The following FNIP1 variants were observed in gnomAD, a reference collection of about 807,000 sequenced individuals.
FNIP1 encodes folliculin-interacting protein 1.
A neutral mutation model predicts 124.5 loss-of-function variants in FNIP1; 40 were observed. The observed-to-expected ratio is 0.32, with a 90% CI of 0.25 to 0.42. The LOEUF (loss-of-function observed/expected upper bound fraction) is 0.42, where lower values mean the gene tolerates loss of function less well. FNIP1 is among the 10% of genes least tolerant of loss of function. The pLI is 1.00. For missense variants in FNIP1, 1,176 were observed against 1,403.7 expected, an observed-to-expected ratio of 0.84 and a Z score of 2.59; for synonymous variants, 472 against 470.6, an observed-to-expected ratio of 1.00 and a Z score of -0.04.
chr5:131,779,193 T>C (rs529466973), intron 1 of FNIP1, among the ~76,000 whole-genome samples: 5 of 149,150 alleles, frequency 3.4e-5, no homozygotes, highest in Non-Finnish European at 6.0e-5. Flanking sequence ...ATCCAAAATA[T>C]GGAACATTCT....
At chr5:131,779,401 C>T (rs537171423) in intron 1 of FNIP1, among the ~76,000 whole-genome samples, 117 of 151,976 alleles carry the variant, frequency 7.7e-4, no homozygotes, top group Middle Eastern at 3.4e-3. Flanking sequence ...AAGATGTGGC[C>T]GGGCATGGTG....
intron 15 of FNIP1, among the ~76,000 whole-genome samples, chr5:131,668,800 G>A (rs1767671388): frequency 6.6e-6 from 1 of 152,192 alleles, no homozygotes; most frequent in Non-Finnish European, 1.5e-5. Context: ...ATAGCCAGAA[G>A]CATATAAATG....
intron 7 of FNIP1, among the ~76,000 whole-genome samples, chr5:131,709,677 AT>A (rs1253280308): frequency 3.9e-5 from 6 of 152,182 alleles, no homozygotes; most frequent in African/African-American, 1.4e-4. Flanking sequence ...ATGTTTCAAA[AT>A]TCTCTATAAT....
chr5:131,723,764 G>T (rs1008199195), intron 3 of FNIP1, among the ~76,000 whole-genome samples: 1 of 152,048 alleles, frequency 6.6e-6, no homozygotes, highest in African/African-American at 2.4e-5. Flanking sequence ...GAATGTGCAG[G>T]CTTGTTACAT....
chr5:131,780,918 G>T (rs1191744935), intron 1 of FNIP1, among the ~76,000 whole-genome samples: 1 of 152,216 alleles, frequency 6.6e-6, no homozygotes, highest in South Asian at 2.1e-4. Flanking sequence ...ATGATCAAGC[G>T]TAGTGAGGAA....
chr5:131,673,443 G>A (rs1219913887), intron 13 of FNIP1, among the ~76,000 whole-genome samples: 4 of 152,110 alleles, frequency 2.6e-5, no homozygotes, highest in Non-Finnish European at 5.9e-5. Context: ...GTGAATTTAA[G>A]GGTTTTCTGG....
Position 131,671,935 on chromosome 5 carries a change from C to T in FNIP1, c.2509G>A (p.Glu837Lys), listed in dbSNP as rs772294741. 50 of 1,614,024 alleles carry T rather than the reference C, an allele frequency of 3.1e-5. No individual in the cohort carries two copies. The highest frequency in any genetic ancestry group is 3.0e-4 in the Admixed American group (18 of 59,992). ...TCGATTGAATCATCATTAAAATATTCGTCGAATAAGCTCATGCTTTCTGGG... is the reference window on the plus strand; with the variant it reads ...TCGATTGAATCATCATTAAAATATTTGTCGAATAAGCTCATGCTTTCTGGG... ...SDPESMSLFD[E>K]YFNDDSIETR... Residue 837 changes from glutamate (E) to lysine (K), a missense_variant, in exon 14 of 18, where the codon GAA becomes AAA. Coordinates refer to ENST00000510461, the MANE Select transcript of FNIP1 (RefSeq NM_133372.3).
In FNIP1 at chr5:131,796,914, G is replaced by A. The variant is rs1237598109; in HGVS notation, c.8C>T (p.Pro3Leu). The change falls in exon 1 of 18, where the codon CCT (proline) becomes CTT (leucine). Residue 3 changes from proline to leucine, a missense_variant. Coordinates refer to ENST00000510461, the MANE Select transcript of FNIP1 (RefSeq NM_133372.3). ...GCTGAAGAGCTTCTGGAACAGCGTA[G>A]GGGCCATGCTAGCCACGGCCAGGCA... Reference protein sequence around the residue: MAPTLFQKLFSKR... With the variant: MALTLFQKLFSKR... 1 of 1,606,594 alleles carries A rather than the reference G, an allele frequency of 6.2e-7. No individual in the cohort carries two copies. The highest frequency in any genetic ancestry group is 8.5e-7 in the Non-Finnish European group (1 of 1,177,316).
At chr5:131,752,328 C>A (rs1323609136) in intron 1 of FNIP1, among the ~76,000 whole-genome samples, 1 of 152,020 alleles carries the variant, frequency 6.6e-6, no homozygotes, top group Non-Finnish European at 1.5e-5. Flanking sequence ...CAGGTGTGAG[C>A]CACCGCGCCC....
At position 131,761,541 on chromosome 5, in the gene FNIP1, G is replaced by A. The variant is rs1580817612; in HGVS notation, c.93-16851C>T. On this transcript the variant is annotated intron_variant, in intron 1 of 17. Coordinates refer to ENST00000510461, the MANE Select transcript of FNIP1 (RefSeq NM_133372.3). ...ACAGTAACTACAAATAAAACATCTAGGAACTTCACCAAAGAAGTGAAAGGT... is the reference window on the plus strand; with the variant it reads ...ACAGTAACTACAAATAAAACATCTAAGAACTTCACCAAAGAAGTGAAAGGT... Among the ~76,000 whole-genome samples the A allele has an allele frequency of 3.3e-5, 5 of 152,028 alleles. 1 individual carries two copies. The highest frequency in any genetic ancestry group is 3.3e-4 in the Admixed American group (5 of 15,244).
rs193140785 is a variant in FNIP1, at chr5:131,771,078, T to C, written c.92+25752A>G. On this transcript the variant is annotated intron_variant, in intron 1 of 17. Transcript: ENST00000510461. ...GCATTAGGTATATCTCCCAACGCTATCCCTCCCCACTCCCCACAACAGTCC... is the reference window on the plus strand; with the variant it reads ...GCATTAGGTATATCTCCCAACGCTACCCCTCCCCACTCCCCACAACAGTCC... Among the ~76,000 whole-genome samples the C allele has an allele frequency of 5.1e-4, 77 of 152,162 alleles. 3 individuals are homozygous for C. The highest frequency in any genetic ancestry group is 3.7e-3 in the Admixed American group (56 of 15,268).
intron 15 of FNIP1, among the ~76,000 whole-genome samples, chr5:131,661,063 T>C (rs918911534): frequency 6.6e-6 from 1 of 152,294 alleles, no homozygotes; most frequent in Admixed American, 6.5e-5. Flanking sequence ...GCGGTTTCAA[T>C]TGGCTCTCCC....
chr5:131,673,554 A>G (rs976306577), intron 13 of FNIP1, among the ~76,000 whole-genome samples: 3 of 152,252 alleles, frequency 2.0e-5, no homozygotes, highest in Non-Finnish European at 4.4e-5. Flanking sequence ...GGCTCCATGC[A>G]GAGCATTTTT....
chr5:131,644,715 G>A lies in FNIP1; in HGVS notation c.3471C>T (p.His1157=), dbSNP rs746937800. The A allele has an allele frequency of 6.2e-6, 10 of 1,613,964 alleles. No homozygotes were observed. Among genetic ancestry groups the A allele is most frequent in the Non-Finnish European group, 8.5e-6 (10 of 1,179,932 alleles). ...GGAGTATTTGTGCAACATATGGAGA[G>A]TGAGTGCTTGCTACAGCAGCCAGAA... ...LPLLAAVAST[H]SPYVAQILL is the part of the protein sequence containing the mutation. Residue 1157 remains histidine (H), a synonymous_variant, in exon 18 of 18, where the codon CAC becomes CAT. Coordinates refer to ENST00000510461, the MANE Select transcript of FNIP1 (RefSeq NM_133372.3).
intron 13 of FNIP1, among the ~76,000 whole-genome samples, chr5:131,676,833 G>A (rs1056192762): frequency 1.1e-4 from 16 of 152,156 alleles, no homozygotes; most frequent in Non-Finnish European, 1.6e-4. Context: ...AAGGGAGAAA[G>A]CCAGTAGGGA....
intron 7 of FNIP1, among the ~76,000 whole-genome samples, chr5:131,710,278 A>G (rs569735773): frequency 6.6e-6 from 1 of 152,336 alleles, no homozygotes; most frequent in South Asian, 2.1e-4. Context: ...TGGTATCATA[A>G]GAAATAAAGT....
chr5:131,786,275 T>C (rs1267997894), intron 1 of FNIP1, among the ~76,000 whole-genome samples: 1 of 152,234 alleles, frequency 6.6e-6, no homozygotes, highest in Non-Finnish European at 1.5e-5. Flanking sequence ...AGTACAGCAC[T>C]AAGTTAGACA....
In FNIP1 at chr5:131,651,785, G is replaced by A. The variant is rs778300733; in HGVS notation, c.3306+17C>T. 59 of 1,610,654 alleles carry A rather than the reference G, an allele frequency of 3.7e-5. No homozygotes were observed. The highest frequency in any genetic ancestry group is 4.6e-5 in the Non-Finnish European group (54 of 1,177,408). The stretch of plus-strand genomic sequence containing the variant: ...AGCAGTGCTTAAAGTAATGCAAGCA[G>A]TGTTACACATACTTACAAAATTTGG... On this transcript the variant is annotated intron_variant, in intron 16 of 17. Transcript: ENST00000510461.
chr5:131,675,538 T>G (rs1390418835), intron 13 of FNIP1, among the ~76,000 whole-genome samples: 1 of 152,162 alleles, frequency 6.6e-6, no homozygotes, highest in Admixed American at 6.5e-5. Context: ...TACTCAGCAT[T>G]AAAAAGGAAT....
Sources: allele counts gnomAD v4.1 joint callset (sites outside exome capture counted in the v4.1 genomes callset), GRCh38; gene constraint gnomAD v4.1.1; transcripts MANE v1.5; gene names NCBI Gene and HGNC (gene_info 2026-07-23, HGNC 2026-07-21).